The following GLP2R variants were observed in gnomAD, a reference collection of about 807,000 sequenced individuals.
GLP2R encodes glucagon-like peptide 2 receptor.
In GLP2R, 59 loss-of-function variants were observed where a neutral mutation model predicts 68.2. The observed-to-expected ratio is 0.87, with a 90% CI of 0.70 to 1.07. The LOEUF is 1.07. Among genes scored for constraint, GLP2R ranks in the 50% least tolerant of loss-of-function variants. The pLI is 0.00. For missense variants in GLP2R, 548 were observed against 677.4 expected, an observed-to-expected ratio of 0.81 and a Z score of 2.12; for synonymous variants, 270 against 265.4, an observed-to-expected ratio of 1.02 and a Z score of -0.17.
chr17:9,880,635 T>A lies in GLP2R; in HGVS notation c.1284+119T>A, dbSNP rs183347268. ...AAATAGAATTGTAGCATCAGCAGCC[T>A]TTATCAGTAAGGGCCCTTGGCATTA... On this transcript the variant is annotated intron_variant, in intron 11 of 12. Coordinates refer to ENST00000262441, the MANE Select transcript of GLP2R (RefSeq NM_004246.3). The A allele has an allele frequency of 7.5e-6, 5 of 663,838 alleles. No individual in the cohort carries two copies. The Admixed American group carries it at 1.4e-4, about 19-fold the overall frequency. The allele number at this position is 663,838 out of a possible 1,614,324, so 41.1% of individuals were successfully genotyped here. A position where few individuals can be genotyped will look rare whatever the true frequency, so the allele number is the denominator to read the frequency against.
intron 9 of GLP2R, among the ~76,000 whole-genome samples, chr17:9,869,331 C>T (rs141740370): frequency 9.2e-4 from 140 of 152,354 alleles, no homozygotes; most frequent in African/African-American, 3.0e-3. Flanking sequence ...CTATCACTGG[C>T]TCTTCATTGC....
intron 10 of GLP2R, among the ~76,000 whole-genome samples, chr17:9,872,392 C>G (rs911214972): frequency 6.6e-6 from 1 of 152,178 alleles, no homozygotes; most frequent in Non-Finnish European, 1.5e-5. Context: ...GCCTGGCCAA[C>G]ATGGCAAAAC....
chr17:9,882,285 G>A (rs1293976412), intron 11 of GLP2R, among the ~76,000 whole-genome samples: 1 of 152,186 alleles, frequency 6.6e-6, no homozygotes, highest in Non-Finnish European at 1.5e-5. Flanking sequence ...CCGTCTTGGT[G>A]ACAAAGAAAC....
chr17:9,884,930 C>T (rs2067229123), intron 11 of GLP2R, among the ~76,000 whole-genome samples: 1 of 151,940 alleles, frequency 6.6e-6, no homozygotes, highest in South Asian at 2.1e-4. Flanking sequence ...GGCCTTTTTT[C>T]TCCGGAAGGC....
At chr17:9,854,427 G>A in intron 4 of GLP2R, 68 bp from the exon 5 acceptor site, 1 of 921,136 alleles carries the variant, frequency 1.1e-6, no homozygotes, top group Non-Finnish European at 1.8e-6. Context: ...GGCCCTGGGT[G>A]TGGAGCTGGG....
chr17:9,879,253 CT>C (rs1179088869), intron 10 of GLP2R, among the ~76,000 whole-genome samples: 3 of 82,186 alleles, frequency 3.7e-5, no homozygotes. Flanking sequence ...GATCCCCTCT[CT>C]ATAAAATAAA....
chr17:9,836,426 T>C lies in GLP2R; in HGVS notation c.333T>C (p.Pro111=). The C allele has an allele frequency of 6.2e-7, 1 of 1,612,290 alleles. No homozygotes were observed. The highest frequency in any genetic ancestry group is 8.5e-7 in the Non-Finnish European group (1 of 1,178,292). The change falls in exon 3 of 13, where the codon CCT becomes CCC. Residue 111 remains proline, a synonymous_variant. Coordinates refer to ENST00000262441, the MANE Select transcript of GLP2R (RefSeq NM_004246.3). ...ACGTGTGTTGGCCTCATTCTTCTCC[T>C]GGAAATGTCTCTGTACCCTGCCCTT... The part of the protein sequence containing the change: ...DQYVCWPHSS[P]GNVSVPCPSY...
At chr17:9,845,077 G>C (rs1246203606) in intron 4 of GLP2R, among the ~76,000 whole-genome samples, 2 of 136,002 alleles carry the variant, frequency 1.5e-5, no homozygotes, top group Admixed American at 7.4e-5. Context: ...TTTTTTTTTT[G>C]AGATAGAGTC....
intron 8 of GLP2R, 134 bp downstream of exon 8, chr17:9,861,333 A>T (rs1167641983): frequency 1.6e-6 from 1 of 641,552 alleles, no homozygotes; most frequent in Non-Finnish European, 2.8e-6. Flanking sequence ...TATTCTTAGG[A>T]ATGGGAGATA....
chr17:9,828,554 C>G (rs1302174634), intron 1 of GLP2R, among the ~76,000 whole-genome samples: 2 of 152,218 alleles, frequency 1.3e-5, no homozygotes, highest in Non-Finnish European at 2.9e-5. Context: ...ATCCTCAACA[C>G]AAGCCTCTGA....
At chr17:9,879,291 TA>T (rs11396066) in intron 10 of GLP2R, among the ~76,000 whole-genome samples, 1 of 26,780 alleles carries the variant, frequency 3.7e-5, no homozygotes, top group South Asian at 1.3e-3. Context: ...TAAAATAAAA[TA>T]AATAAAATAA....
At chr17:9,826,354 C>T in intron 1 of GLP2R, 102 bp downstream of exon 1, 1 of 741,634 alleles carries the variant, frequency 1.3e-6, no homozygotes, top group Non-Finnish European at 2.1e-6. Context: ...AAAGAGAAAA[C>T]AGTATTAAGA....
rs71139004 is a variant in GLP2R at position 9,844,668 on chromosome 17, C to CTTTTTTTTTTTTTTTTTTTT, written c.504+2071_504+2090dup. On this transcript the variant is annotated intron_variant, in intron 4 of 12. Coordinates refer to ENST00000262441, the MANE Select transcript of GLP2R (RefSeq NM_004246.3). The stretch of plus-strand genomic sequence containing the variant: ...ATTCTCAATATTTTACTACCTAATT[C>CTTTTTTTTTTTTTTTTTTTT]TTTTTTTTTTTTTTTTTTTTTTTTT... Among the ~76,000 whole-genome samples, 10 of 44,274 alleles carry CTTTTTTTTTTTTTTTTTTTT rather than the reference C, an allele frequency of 2.3e-4. 2 individuals carry two copies. The highest frequency in any genetic ancestry group is 4.7e-4 in the Non-Finnish European group (10 of 21,402). 29.0% of individuals were successfully genotyped at this position (44,274 alleles called of 152,430 possible). A position where few individuals can be genotyped will look rare whatever the true frequency, so the allele number is the denominator to read the frequency against.
intron 1 of GLP2R, among the ~76,000 whole-genome samples, chr17:9,828,319 C>T (rs1212855549): frequency 6.6e-6 from 1 of 152,206 alleles, no homozygotes; most frequent in Admixed American, 6.5e-5. Context: ...TGCCTCTGGT[C>T]CCAGGACTTC....
At chr17:9,860,775 A>G (rs1016971876) in intron 7 of GLP2R, among the ~76,000 whole-genome samples, 2 of 152,182 alleles carry the variant, frequency 1.3e-5, no homozygotes, top group Non-Finnish European at 2.9e-5. Context: ...AATATGACCA[A>G]GAGTATCTAG....
chr17:9,833,789 A>G lies in GLP2R; in HGVS notation c.190-18A>G. The G allele has an allele frequency of 6.5e-7, 1 of 1,528,708 alleles. No homozygotes were observed. The highest frequency in any genetic ancestry group is 1.1e-5 in the South Asian group (1 of 87,400). 94.7% of individuals were successfully genotyped at this position (1,528,708 alleles called of 1,614,324 possible). ...CTGTGCTTGGTCACTGGGGGTGACC[A>G]TGTTTTTGTTTGCTCAGGTTACAGG... On this transcript the variant is annotated intron_variant, in intron 1 of 12. Coordinates refer to ENST00000262441, the MANE Select transcript of GLP2R (RefSeq NM_004246.3).
chr17:9,870,472 A>G (rs1016809633), intron 9 of GLP2R, among the ~76,000 whole-genome samples: 3 of 152,184 alleles, frequency 2.0e-5, no homozygotes, highest in African/African-American at 7.2e-5. Flanking sequence ...AGAATAATAA[A>G]CTAAATCACT....
chr17:9,883,133 G>GAATTCAATTATCTC (rs2067212195), intron 11 of GLP2R, among the ~76,000 whole-genome samples: 1 of 151,962 alleles, frequency 6.6e-6, no homozygotes, highest in South Asian at 2.1e-4. Context: ...ATAATTAAAG[G>GAATTCAATTATCTC]AATTCAATTA....
chr17:9,890,034 C>T lies in GLP2R; in HGVS notation c.*329C>T, dbSNP rs747783063. 4 of 479,324 alleles carry T rather than the reference C, an allele frequency of 8.3e-6. No individual in the cohort carries two copies. The highest frequency in any genetic ancestry group is 3.1e-5 in the South Asian group (2 of 64,748). The allele number at this position is 479,324 out of a possible 1,614,324, so 29.7% of individuals were successfully genotyped here. ...GGTCTCCTGTTATAGAGAAGCCAGC[C>T]AATATCTCTTCCTTTATCCCTTGGG... On this transcript the variant is annotated 3_prime_UTR_variant, in exon 13 of 13. Coordinates refer to ENST00000262441, the MANE Select transcript of GLP2R (RefSeq NM_004246.3).
Sources: gnomAD v4.1 joint callset for allele counts (sites outside exome capture counted in the v4.1 genomes callset) on GRCh38, gnomAD v4.1.1 for gene constraint, MANE v1.5 for transcripts, NCBI Gene and HGNC (gene_info 2026-07-23, HGNC 2026-07-21) for gene names.